The following ZBTB49 variants were observed in gnomAD, a reference collection of about 807,000 sequenced individuals.
ZBTB49 encodes zinc finger and BTB domain containing 49.
In ZBTB49, 43 loss-of-function variants were observed where a neutral mutation model predicts 57.5. The observed-to-expected ratio is 0.75, with a 90% CI of 0.59 to 0.97. The LOEUF is 0.97. ZBTB49 is among the 50% of genes least tolerant of loss of function. The pLI is 0.00. For synonymous variants in ZBTB49, 369 were observed against 362.1 expected (o/e 1.02, Z -0.22); for missense variants, 938 against 947.7 (o/e 0.99, Z 0.13).
intron 4 of ZBTB49, among the ~76,000 whole-genome samples, chr4:4,306,804 C>G (rs1264021381): frequency 1.3e-5 from 2 of 152,204 alleles, no homozygotes; most frequent in South Asian, 4.1e-4. Context: ...CAGAAGGTAA[C>G]TATTCACCGC....
At chr4:4,304,714 G>A (rs1019628284) in intron 3 of ZBTB49, among the ~76,000 whole-genome samples, 3 of 151,994 alleles carry the variant, frequency 2.0e-5, no homozygotes, top group Non-Finnish European at 2.9e-5. Flanking sequence ...GGTCTGTGAG[G>A]CCAACACTAT....
chr4:4,319,154 A>G (rs1241903465), intron 7 of ZBTB49, among the ~76,000 whole-genome samples: 1 of 151,852 alleles, frequency 6.6e-6, no homozygotes, highest in Non-Finnish European at 1.5e-5. Context: ...TAGACTCCCA[A>G]AGTGCTGGAA....
At chr4:4,305,693 C>A (rs993100858) in intron 3 of ZBTB49, among the ~76,000 whole-genome samples, 1 of 152,200 alleles carries the variant, frequency 6.6e-6, no homozygotes, top group South Asian at 2.1e-4. Flanking sequence ...TGCTTCAGGA[C>A]GACCCACTGT....
At chr4:4,301,736 T>G (rs1720480991) in intron 2 of ZBTB49, among the ~76,000 whole-genome samples, 1 of 152,126 alleles carries the variant, frequency 6.6e-6, no homozygotes. Context: ...ATTGTGTAAA[T>G]TTGAGTATAT....
At chr4:4,296,745 A>G (rs547957189) in intron 1 of ZBTB49, among the ~76,000 whole-genome samples, 11 of 152,336 alleles carry the variant, frequency 7.2e-5, no homozygotes, top group Non-Finnish European at 1.5e-4. Flanking sequence ...GAGACCTGTG[A>G]TGACTAGAGG....
intron 5 of ZBTB49, 98 bp downstream of exon 5, chr4:4,313,212 C>A: frequency 2.8e-6 from 4 of 1,417,976 alleles, no homozygotes; most frequent in Non-Finnish European, 3.9e-6. Context: ...CACAGATGAG[C>A]CACAGGTGGG....
In ZBTB49 at chr4:4,312,946, C is replaced by T. The variant is rs1721036539; in HGVS notation, c.1303-95C>T. On this transcript the variant is annotated intron_variant, in intron 4 of 7. Transcript: ENST00000337872. ...CTTCATCTGGAATTTGAATTGGAAC[C>T]TGGCTAAATGTGTCAGTTTTCCTTT... is the stretch of plus-strand genomic sequence containing the variant. The T allele has an allele frequency of 4.5e-6, 6 of 1,326,910 alleles. No homozygotes were observed. The Admixed American group carries it at 1.3e-4, about 28-fold the overall frequency. The allele number at this position is 1,326,910 out of a possible 1,614,324, so 82.2% of individuals were successfully genotyped here.
chr4:4,320,801 G>A lies in ZBTB49; in HGVS notation c.1783G>A (p.Val595Met). Reference protein sequence around the residue: ...HCKAGDESPDVLEELSQAIET... With the variant: ...HCKAGDESPDMLEELSQAIET... ...CAAAGCTGGTGACGAGAGCCCAGAT[G>A]TGCTGGAGGAGCTCAGCCAAGCCAT... The change falls in exon 8 of 8, where the codon GTG becomes ATG. Residue 595 changes from valine (V) to methionine (M), a missense_variant. This residue lies in a region of ZBTB49 where 835 missense variants were observed against 819.1 expected (regional missense o/e 1.02). Coordinates refer to ENST00000337872, the MANE Select transcript of ZBTB49 (RefSeq NM_145291.4). 1.2e-6 allele frequency: 2 copies of A among 1,614,188 alleles called. No individual in the cohort carries two copies. Among genetic ancestry groups the A allele is most frequent in the South Asian group, 2.2e-5 (2 of 91,080 alleles).
intron 1 of ZBTB49, among the ~76,000 whole-genome samples, chr4:4,292,230 G>A (rs570913406): frequency 3.3e-5 from 5 of 152,238 alleles, no homozygotes; most frequent in South Asian, 4.1e-4. Context: ...GCACTGAGCC[G>A]AAAGCACACC....
At chr4:4,300,711 T>C (rs1720436800) in intron 2 of ZBTB49, among the ~76,000 whole-genome samples, 1 of 151,826 alleles carries the variant, frequency 6.6e-6, no homozygotes, top group Non-Finnish European at 1.5e-5. Context: ...AGCACAGGAG[T>C]TGGAGGCTGC....
intron 5 of ZBTB49, 89 bp from the exon 6 acceptor site, chr4:4,315,547 C>G: frequency 8.0e-7 from 1 of 1,244,338 alleles, no homozygotes; most frequent in Non-Finnish European, 1.1e-6. Context: ...GTGTCAGGAG[C>G]AGGTATCTCC....
At chr4:4,293,848 G>T (rs1720058579) in intron 1 of ZBTB49, among the ~76,000 whole-genome samples, 2 of 150,136 alleles carry the variant, frequency 1.3e-5, no homozygotes, top group African/African-American at 5.0e-5. Flanking sequence ...GGAAGTGGAA[G>T]CTGTTAGCTC....
Position 4,302,819 on chromosome 4 carries a change from A to C in ZBTB49, c.983A>C (p.Lys328Thr), listed in dbSNP as rs753697625. The C allele has an allele frequency of 1.9e-6, 3 of 1,614,078 alleles. No homozygotes were observed. Among genetic ancestry groups the C allele is most frequent in the Non-Finnish European group, 2.5e-6 (3 of 1,179,934 alleles). The change falls in exon 3 of 8, where the codon AAG becomes ACG. Residue 328 changes from lysine (K) to threonine (T), a missense_variant. Coordinates refer to ENST00000337872, the MANE Select transcript of ZBTB49 (RefSeq NM_145291.4). The stretch of plus-strand genomic sequence containing the variant: ...TACGCAGAGCAAGTATCTGAACCCA[A>C]GTCAGATGATGGTTTGACAAAGAGG... ...QKYAEQVSEP[K>T]SDDGLTKRLE...
chr4:4,320,746 G>A lies in ZBTB49; in HGVS notation c.1728G>A (p.Ala576=), dbSNP rs757435558. 48 of 1,614,098 alleles carry A rather than the reference G, an allele frequency of 3.0e-5. 1 individual carries two copies. The East Asian group carries it at 4.2e-4, about 14-fold the overall frequency. The change falls in exon 8 of 8, where the codon GCG becomes GCA. Residue 576 remains alanine, a synonymous_variant. Transcript: ENST00000337872. The stretch of plus-strand genomic sequence containing the variant: ...GTAACAAGTGCTTTACCCGCTCTGC[G>A]GTGCTCCGGCGGCACAAGAAGATGC... ...EICNKCFTRS[A]VLRRHKKMHC...
Position 4,302,758 on chromosome 4 carries a change from C to G in ZBTB49, c.922C>G (p.His308Asp). Residue 308 changes from histidine (H) to aspartate (D), a missense_variant, in exon 3 of 8, where the codon CAT becomes GAT. Physicochemically the swap from His to Asp is moderately conservative, Grantham distance 81. Transcript: ENST00000337872. ...VKQMRLKKAI[H>D]LKKLNFLKSQ... ...GCAGATGAGGCTCAAAAAGGCCATT[C>G]ATCTGAAGAAGCTCAATTTCCTGAA... 1 of 1,614,102 alleles carries G rather than the reference C, an allele frequency of 6.2e-7. No homozygotes were observed. The highest frequency in any genetic ancestry group is 8.5e-7 in the Non-Finnish European group (1 of 1,180,016).
At chr4:4,305,982 G>A (rs1018626349) in intron 3 of ZBTB49, among the ~76,000 whole-genome samples, 156 bp from the exon 4 acceptor site, 2 of 152,202 alleles carry the variant, frequency 1.3e-5, no homozygotes, top group Non-Finnish European at 2.9e-5. Flanking sequence ...ATAAAGGCAA[G>A]AGAGAAATAT....
At position 4,302,648 on chromosome 4, in the gene ZBTB49, A is replaced by G; in HGVS notation, c.812A>G (p.His271Arg). ...GAATGCATCCTGGAGTCTCCCGAGC[A>G]CTTACCTTCCAACTTCCTGGCCCAG... The part of the protein sequence containing the change: ...HSECILESPE[H>R]LPSNFLAQPV... The change falls in exon 3 of 8, where the codon CAC becomes CGC. Residue 271 changes from histidine to arginine, a missense_variant. This residue lies in a region of ZBTB49 where 835 missense variants were observed against 819.1 expected (regional missense o/e 1.02). Coordinates refer to ENST00000337872, the MANE Select transcript of ZBTB49 (RefSeq NM_145291.4). The G allele has an allele frequency of 1.2e-6, 2 of 1,611,036 alleles. No homozygotes were observed. Among genetic ancestry groups the G allele is most frequent in the Non-Finnish European group, 1.7e-6 (2 of 1,178,240 alleles).
chr4:4,299,776 GGTGTGTGTGT>G (rs33911857), intron 1 of ZBTB49, among the ~76,000 whole-genome samples, 141 bp from the exon 2 acceptor site: 33 of 103,740 alleles, frequency 3.2e-4, no homozygotes, highest in African/African-American at 7.7e-4. Flanking sequence ...CAGAAACAGA[GGTGTGTGTGT>G]GTGTGTGTGT....
At chr4:4,314,143 G>A (rs1577246374) in intron 5 of ZBTB49, among the ~76,000 whole-genome samples, 1 of 152,302 alleles carries the variant, frequency 6.6e-6, no homozygotes, top group Middle Eastern at 3.4e-3. Context: ...ACAAACAAAA[G>A]CTGCGGCGGG....
Sources: allele counts gnomAD v4.1 joint callset (sites outside exome capture counted in the v4.1 genomes callset), GRCh38; gene constraint gnomAD v4.1.1; regional missense constraint gnomAD v4.1.1; transcripts MANE v1.5; gene names NCBI Gene and HGNC (gene_info 2026-07-23, HGNC 2026-07-21).